BAHCC1: variants seen among roughly 807,000 people sequenced by gnomAD.
The protein encoded by BAHCC1 is BAH domain and coiled-coil containing 1.
BAHCC1 carries 43 observed loss-of-function variants against 88.2 expected under a neutral mutation model. That is an observed-to-expected ratio of 0.49 (90% CI 0.38 to 0.63). BAHCC1 has a LOEUF of 0.63. Among genes scored for constraint, BAHCC1 ranks in the 20% least tolerant of loss-of-function variants. The pLI is 0.00. For synonymous variants in BAHCC1, 1,510 were observed against 745.5 expected, an observed-to-expected ratio of 2.03 and a Z score of -16.71; for missense variants, 3,023 against 1,654.8, an observed-to-expected ratio of 1.83 and a Z score of -14.34.
rs200910772 is a variant in BAHCC1 at position 81,438,478 on chromosome 17, A to G, written c.467A>G (p.Tyr156Cys). The change falls in exon 4 of 28, where the codon TAT (tyrosine) becomes TGT (cysteine). Residue 156 changes from tyrosine to cysteine, a missense_variant. Transcript: ENST00000675386. ...SNVLYGQHRF[Y>C]GTQKDNFYLR... ...GTTCTCTATGGGCAGCACCGTTTCT[A>G]TGGAACCCAAAAAGGCAAGTGCAGC... 1.3e-4 allele frequency: 104 copies of G among 771,802 alleles called. No homozygotes were observed. The highest frequency in any genetic ancestry group is 2.3e-4 in the Non-Finnish European group (96 of 414,300). The allele number at this position is 771,802 out of a possible 1,614,324, so 47.8% of individuals were successfully genotyped here.
chr17:81,396,107 G>GCTCCC (rs2143122038), intron 1 of BAHCC1: 1 of 152,338 alleles, frequency 6.6e-6, no homozygotes, highest in East Asian at 1.9e-4. Context: ...CCCCTACCCT[G>GCTCCC]CTCCCCTCCC....
At position 81,457,583 on chromosome 17, in the gene BAHCC1, G is replaced by T. The variant is rs1555657658; in HGVS notation, c.5032G>T (p.Gly1678Trp). 1.1e-5 allele frequency: 8 copies of T among 735,738 alleles called. No homozygotes were observed. Among genetic ancestry groups the T allele is most frequent in the Non-Finnish European group, 2.0e-5 (8 of 395,816 alleles). The allele number at this position is 735,738 out of a possible 1,614,324, so 45.6% of individuals were successfully genotyped here. A position where few individuals can be genotyped will look rare whatever the true frequency, so the allele number is the denominator to read the frequency against. ...GGCCAAGAAGAAGAAGGAGAGGCAG[G>T]GGTTGCTAGGTAACCAGGAGGGAGG... The part of the protein sequence containing the change: ...QKAKKKKERQ[G>W]LLGACRLSSP... Residue 1678 changes from glycine to tryptophan, a missense_variant, in exon 17 of 28, where the codon GGG (glycine) becomes TGG (tryptophan). Transcript: ENST00000675386.
rs1555652563 is a variant in BAHCC1, at chr17:81,441,819, T to C, written c.482-12T>C. ...TAAGGCCTCCCATTGACCTTGGCTC[T>C]TTCCCACACAGATAACTTCTACCTG... On this transcript the variant is annotated splice_polypyrimidine_tract_variant and intron_variant, in intron 4 of 27. Transcript: ENST00000675386. 3.3e-6 allele frequency: 2 copies of C among 603,586 alleles called. No individual in the cohort carries two copies. Among genetic ancestry groups the C allele is most frequent in the African/African-American group, 3.8e-5 (2 of 52,186 alleles). 37.4% of individuals were successfully genotyped at this position (603,586 alleles called of 1,614,324 possible). A position where few individuals can be genotyped will look rare whatever the true frequency, so the allele number is the denominator to read the frequency against.
chr17:81,452,123 C>A lies in BAHCC1; in HGVS notation c.4316+16C>A. ...ACGACCATGAGTACGCCTGGCGTGGCGGGGGGGCCTGGGAGGGTCGCAGCA... is the reference window on the plus strand; with the variant it reads ...ACGACCATGAGTACGCCTGGCGTGGAGGGGGGGCCTGGGAGGGTCGCAGCA... On this transcript the variant is annotated intron_variant, in intron 13 of 27. Transcript: ENST00000675386. 1.7e-6 allele frequency: 1 copy of A among 605,204 alleles called. No individual in the cohort carries two copies. The highest frequency in any genetic ancestry group is 2.9e-6 in the Non-Finnish European group (1 of 344,900). The allele number at this position is 605,204 out of a possible 1,614,324, so 37.5% of individuals were successfully genotyped here.
chr17:81,447,983 G>T, intron 11 of BAHCC1, 135 bp downstream of exon 11: 3 of 631,686 alleles, frequency 4.7e-6, no homozygotes, highest in Non-Finnish European at 8.6e-6. Context: ...CCCCTGGAGA[G>T]TGTCCGCCTC....
In BAHCC1 at chr17:81,442,834, G is replaced by T. The variant is rs868926811; in HGVS notation, c.1485G>T (p.Glu495Asp). Residue 495 changes from glutamate (E) to aspartate (D), a missense_variant, in exon 5 of 28, where the codon GAG (glutamate) becomes GAT (aspartate). Transcript: ENST00000675386. ...KSGLDKSGYFELPTSSQDCAR... is the reference protein window; with the variant it reads ...KSGLDKSGYFDLPTSSQDCAR... ...GTCTGGACAAAAGCGGCTACTTCGA[G>T]TTGCCCACCTCTTCACAGGACTGTG... The T allele has an allele frequency of 6.4e-6, 5 of 779,452 alleles. No homozygotes were observed. The Admixed American group carries it at 8.5e-5, about 13-fold the overall frequency. The allele number at this position is 779,452 out of a possible 1,614,324, so 48.3% of individuals were successfully genotyped here. A position where few individuals can be genotyped will look rare whatever the true frequency, so the allele number is the denominator to read the frequency against.
intron 14 of BAHCC1, among the ~76,000 whole-genome samples, chr17:81,454,657 C>T (rs1392443250): frequency 6.6e-6 from 1 of 152,108 alleles, no homozygotes; most frequent in African/African-American, 2.4e-5. Flanking sequence ...TGCCCGGTGC[C>T]TGCCCCACTC....
intron 4 of BAHCC1, among the ~76,000 whole-genome samples, chr17:81,440,141 C>T (rs187671064): frequency 7.9e-5 from 12 of 152,334 alleles, no homozygotes; most frequent in East Asian, 7.7e-4. Context: ...CTCCTGTGGA[C>T]GGGCTCTGCT....
At chr17:81,439,355 A>G (rs915783827) in intron 4 of BAHCC1, among the ~76,000 whole-genome samples, 4 of 152,158 alleles carry the variant, frequency 2.6e-5, no homozygotes, top group Non-Finnish European at 5.9e-5. Context: ...AGGGGCCGGC[A>G]TCGGTGATAT....
chr17:81,454,468 C>T (rs1437692808), intron 14 of BAHCC1, among the ~76,000 whole-genome samples: 2 of 152,184 alleles, frequency 1.3e-5, no homozygotes, highest in African/African-American at 4.8e-5. Flanking sequence ...GAATGGGCTC[C>T]TGAGAGGGCC....
intron 2 of BAHCC1, among the ~76,000 whole-genome samples, chr17:81,408,451 C>T (rs1038130464): frequency 6.7e-6 from 1 of 149,598 alleles, no homozygotes; most frequent in African/African-American, 2.4e-5. Context: ...AGTACCGTCT[C>T]TGCCCACCGT....
In BAHCC1 at chr17:81,442,649, G is replaced by T. The variant is rs376763313; in HGVS notation, c.1300G>T (p.Ala434Ser). 1 of 775,952 alleles carries T rather than the reference G, an allele frequency of 1.3e-6. No individual in the cohort carries two copies. Among genetic ancestry groups the T allele is most frequent in the Non-Finnish European group, 2.4e-6 (1 of 416,388 alleles). The allele number at this position is 775,952 out of a possible 1,614,324, so 48.1% of individuals were successfully genotyped here. Residue 434 changes from alanine (A) to serine (S), a missense_variant, in exon 5 of 28, where the codon GCT (alanine) becomes TCT (serine). Coordinates refer to ENST00000675386, the MANE Select transcript of BAHCC1 (RefSeq NM_001377448.1). ...HLEGTMAPDH[A>S]APYGVSYAHL... ...GGAGGGAACCATGGCCCCCGACCAC[G>T]CTGCACCCTATGGAGTCTCCTATGC... is the stretch of plus-strand genomic sequence containing the variant.
chr17:81,430,991 G>A (rs2064254121), intron 3 of BAHCC1, among the ~76,000 whole-genome samples: 1 of 141,588 alleles, frequency 7.1e-6, no homozygotes, highest in African/African-American at 3.1e-5. Context: ...GTCCCGGCGT[G>A]GGGGTGGAGG....
chr17:81,459,364 TG>T, intron 22 of BAHCC1, 36 bp downstream of exon 22: 1 of 769,364 alleles, frequency 1.3e-6, no homozygotes, highest in Non-Finnish European at 2.4e-6. Flanking sequence ...GGGAGGGGCC[TG>T]GCTGGCTTGT....
intron 4 of BAHCC1, 31 bp downstream of exon 4, chr17:81,438,523 C>A: frequency 2.7e-6 from 2 of 751,114 alleles, no homozygotes; most frequent in Admixed American, 1.8e-5. Context: ...GCGTGGGGAG[C>A]AGGCATGCTG....
At chr17:81,413,141 T>C (rs880001513) in intron 2 of BAHCC1, 1 of 445,018 alleles carries the variant, frequency 2.2e-6, no homozygotes, top group African/African-American at 2.0e-5. Flanking sequence ...ACAGCAGCCA[T>C]ACGCTCCCCA....
intron 2 of BAHCC1, among the ~76,000 whole-genome samples, chr17:81,412,855 C>A (rs1488025476): frequency 6.6e-6 from 1 of 152,234 alleles, no homozygotes; most frequent in Non-Finnish European, 1.5e-5. Flanking sequence ...TCGGACATAT[C>A]CAGACCCAGC....
Position 81,399,140 on chromosome 17 carries a change from T to TGTGTGTGTGC in BAHCC1, c.-206-385_-206-384insCGTGTGTGTG. On this transcript the variant is annotated intron_variant, in intron 1 of 27. Transcript: ENST00000675386. This position sits in a 1 kb window ranked among gnomAD's most constrained non-coding sequence, Gnocchi z 4.5. ...GGGTGTGCGTGTGAGTGTGTGTGTG[T>TGTGTGTGTGC]GTGTGTGTGTGTGCGAGTGTGCGTG... The TGTGTGTGTGC allele has an allele frequency of 2.7e-6, 1 of 363,840 alleles. No homozygotes were observed. The highest frequency in any genetic ancestry group is 5.6e-6 in the Non-Finnish European group (1 of 178,212). The allele number at this position is 363,840 out of a possible 1,614,324, so 22.5% of individuals were successfully genotyped here. A position where few individuals can be genotyped will look rare whatever the true frequency, so the allele number is the denominator to read the frequency against.
Position 81,444,742 on chromosome 17 carries a change from G to C in BAHCC1, c.2587G>C (p.Val863Leu), listed in dbSNP as rs1598490499. 3 of 778,454 alleles carry C rather than the reference G, an allele frequency of 3.9e-6. No homozygotes were observed. The highest frequency in any genetic ancestry group is 1.7e-5 in the African/African-American group (1 of 59,088). 48.2% of individuals were successfully genotyped at this position (778,454 alleles called of 1,614,324 possible). ...PASVAGPVPS[V>L]FPLPQDAPTQ... ...CTCCGTGGCTGGCCCTGTGCCCTCT[G>C]TCTTCCCCCTCCCACAGGACGCCCC... The change falls in exon 8 of 28, where the codon GTC becomes CTC. Residue 863 changes from valine (V) to leucine (L), a missense_variant. Coordinates refer to ENST00000675386, the MANE Select transcript of BAHCC1 (RefSeq NM_001377448.1).
Sources: allele counts gnomAD v4.1 joint callset (sites outside exome capture counted in the v4.1 genomes callset), GRCh38; gene constraint gnomAD v4.1.1; non-coding constraint Gnocchi (gnomAD v3.1); transcripts MANE v1.5; gene names NCBI Gene and HGNC (gene_info 2026-07-23, HGNC 2026-07-21).